Variants in SPAG17 observed in about 807,000 individuals in gnomAD.
The protein encoded by SPAG17 is sperm-associated antigen 17.
A neutral mutation model predicts 273.6 loss-of-function variants in SPAG17; 169 were observed. The ratio of observed to expected loss-of-function variants is 0.62; its 90% CI spans 0.55 to 0.70. The LOEUF is 0.70. Among genes scored for constraint, SPAG17 ranks in the 30% least tolerant of loss-of-function variants. The pLI is 0.00. For missense variants in SPAG17, 2,557 were observed against 2,627.8 expected (o/e 0.97, Z 0.59); for synonymous variants, 825 against 873.2 (o/e 0.94, Z 0.97).
At chr1:118,004,124 G>A (rs1225318675) in intron 32 of SPAG17, among the ~76,000 whole-genome samples, 1 of 152,166 alleles carries the variant, frequency 6.6e-6, no homozygotes, top group African/African-American at 2.4e-5. Flanking sequence ...CACTAGTGGA[G>A]GCTGCAGAAC....
At chr1:118,160,732 A>T (rs562041647) in intron 1 of SPAG17, among the ~76,000 whole-genome samples, 96 of 152,344 alleles carry the variant, frequency 6.3e-4, no homozygotes, top group African/African-American at 2.2e-3. Flanking sequence ...TGGCAGCCCA[A>T]TTACATATCT....
chr1:118,092,562 TATC>T (rs1655445182), intron 8 of SPAG17, among the ~76,000 whole-genome samples: 1 of 152,226 alleles, frequency 6.6e-6, no homozygotes, highest in South Asian at 2.1e-4. Context: ...GTCTTGAGAA[TATC>T]ATTATATCCC....
intron 27 of SPAG17, among the ~76,000 whole-genome samples, chr1:118,024,645 G>A (rs967666007): frequency 6.6e-6 from 1 of 151,662 alleles, no homozygotes; most frequent in African/African-American, 2.4e-5. Flanking sequence ...GGGAAGGAAA[G>A]AGCAGGGCAT....
At chr1:118,117,390 G>A (rs746432497) in intron 3 of SPAG17, among the ~76,000 whole-genome samples, 1 of 152,164 alleles carries the variant, frequency 6.6e-6, no homozygotes, top group Admixed American at 6.5e-5. Flanking sequence ...AGGAGTCTAT[G>A]AATGTTACCT....
Position 118,134,534 on chromosome 1 carries a change from T to A in SPAG17, c.315+16009A>T, listed in dbSNP as rs547195666. Among the ~76,000 whole-genome samples the A allele has an allele frequency of 3.3e-5, 5 of 152,318 alleles. No homozygotes were observed. In the South Asian group the frequency reaches 1.0e-3, roughly 32 times the overall value. On this transcript the variant is annotated intron_variant, in intron 3 of 48. Coordinates refer to ENST00000336338, the MANE Select transcript of SPAG17 (RefSeq NM_206996.4). Reference sequence around the variant, plus strand: ...AATTTAAATGCATCCAGCAATGAACTGCTTTTAACAGTGCCACCCCTCCAA... The same window carrying A: ...AATTTAAATGCATCCAGCAATGAACAGCTTTTAACAGTGCCACCCCTCCAA...
intron 18 of SPAG17, among the ~76,000 whole-genome samples, chr1:118,057,516 A>G (rs1011797853): frequency 1.3e-5 from 2 of 152,232 alleles, no homozygotes; most frequent in African/African-American, 4.8e-5. Flanking sequence ...ACTTACATAT[A>G]CAGCTCAATC....
chr1:118,104,037 T>C (rs1424224985), intron 4 of SPAG17, among the ~76,000 whole-genome samples: 4 of 152,090 alleles, frequency 2.6e-5, no homozygotes, highest in Non-Finnish European at 2.9e-5. Flanking sequence ...CAAGTTTATG[T>C]CTTAACTAAA....
chr1:118,027,048 G>A (rs1435364147), intron 26 of SPAG17, among the ~76,000 whole-genome samples: 3 of 152,166 alleles, frequency 2.0e-5, no homozygotes, highest in Admixed American at 6.5e-5. Context: ...GGTGAAAGGG[G>A]TATTAAGCTG....
At chr1:117,986,715 G>A (rs928368924) in intron 40 of SPAG17, among the ~76,000 whole-genome samples, 1 of 151,938 alleles carries the variant, frequency 6.6e-6, no homozygotes, top group South Asian at 2.1e-4. Context: ...AAGCCTTTAG[G>A]GATATTCTGA....
chr1:118,040,684 G>T lies in SPAG17; in HGVS notation c.3166+46C>A, dbSNP rs535017816. The T allele has an allele frequency of 1.6e-5, 21 of 1,277,334 alleles. No homozygotes were observed. The East Asian group carries it at 4.4e-4, about 27-fold the overall frequency. 79.1% of individuals were successfully genotyped at this position (1,277,334 alleles called of 1,614,324 possible). On this transcript the variant is annotated intron_variant, in intron 22 of 48. Coordinates refer to ENST00000336338, the MANE Select transcript of SPAG17 (RefSeq NM_206996.4). ...TAGAGGGCCCCTGGTTATCTGAAAT[G>T]CATTATTATGTTTCCAATCATTAAC...
intron 1 of SPAG17, among the ~76,000 whole-genome samples, chr1:118,169,280 T>C (rs1276508927): frequency 6.6e-6 from 1 of 152,246 alleles, no homozygotes; most frequent in Non-Finnish European, 1.5e-5. Context: ...TTATGAAAAG[T>C]CCATTTCCCT....
At chr1:118,033,718 A>G (rs1648748364) in intron 24 of SPAG17, among the ~76,000 whole-genome samples, 1 of 152,200 alleles carries the variant, frequency 6.6e-6, no homozygotes. Flanking sequence ...CACTGCAGCC[A>G]CACTGAACTT....
Position 118,099,332 on chromosome 1 carries a change from A to G in SPAG17, c.829+274T>C, listed in dbSNP as rs147519096. 5.1e-3 allele frequency among the ~76,000 whole-genome samples: 779 copies of G among 152,324 alleles called. 11 individuals carry two copies. Among genetic ancestry groups the G allele is most frequent in the East Asian group, 0.022 (116 of 5,192 alleles). ...ATAGATCAAATACTCCAGAAAAGGCAGTTGGATAACCAAGTCTTCTGAACT... is the reference window on the plus strand; with the variant it reads ...ATAGATCAAATACTCCAGAAAAGGCGGTTGGATAACCAAGTCTTCTGAACT... On this transcript the variant is annotated intron_variant, in intron 6 of 48. Transcript: ENST00000336338.
intron 3 of SPAG17, among the ~76,000 whole-genome samples, chr1:118,142,440 C>A (rs1053385047): frequency 6.6e-6 from 1 of 152,010 alleles, no homozygotes; most frequent in Admixed American, 6.6e-5. Flanking sequence ...GAATTATACA[C>A]TTAGACATGG....
intron 24 of SPAG17, among the ~76,000 whole-genome samples, chr1:118,032,310 A>G (rs999662273): frequency 6.6e-6 from 1 of 152,218 alleles, no homozygotes; most frequent in Non-Finnish European, 1.5e-5. Flanking sequence ...CATAAAGACT[A>G]CTAAATATAA....
chr1:118,128,131 A>G (rs1246470514), intron 3 of SPAG17, among the ~76,000 whole-genome samples: 1 of 152,094 alleles, frequency 6.6e-6, no homozygotes, highest in Admixed American at 6.5e-5. Context: ...AAAAAGAAAA[A>G]AAAAAAAAGA....
chr1:118,151,856 TTTTCTC>T (rs1389021408), intron 1 of SPAG17, among the ~76,000 whole-genome samples: 1 of 152,188 alleles, frequency 6.6e-6, no homozygotes, highest in Admixed American at 6.5e-5. Flanking sequence ...AACCACATCT[TTTTCTC>T]TTAATGTAAC....
chr1:118,136,801 A>ATGTGTG lies in SPAG17; in HGVS notation c.315+13736_315+13741dup, dbSNP rs5777337. ...AAAGGGGTAAAGTGTGTGTGTGTGTATGTGTGTGTGTGTGTGTGTGTGTGT... is the reference window on the plus strand; with the variant it reads ...AAAGGGGTAAAGTGTGTGTGTGTGTATGTGTGTGTGTGTGTGTGTGTGTGTGTGTGT... On this transcript the variant is annotated intron_variant, in intron 3 of 48. Coordinates refer to ENST00000336338, the MANE Select transcript of SPAG17 (RefSeq NM_206996.4). Among the ~76,000 whole-genome samples the ATGTGTG allele has an allele frequency of 8.1e-3, 1,193 of 147,246 alleles. 20 individuals are homozygous for ATGTGTG. Among genetic ancestry groups the ATGTGTG allele is most frequent in the African/African-American group, 0.027 (1,077 of 39,894 alleles).
chr1:118,075,595 G>A (rs768982563), intron 15 of SPAG17, among the ~76,000 whole-genome samples: 2 of 152,148 alleles, frequency 1.3e-5, no homozygotes, highest in Non-Finnish European at 2.9e-5. Flanking sequence ...TGTGGGAGGT[G>A]GATTTTGTGG....
Sources: gnomAD v4.1 joint callset for allele counts (sites outside exome capture counted in the v4.1 genomes callset) on GRCh38, gnomAD v4.1.1 for gene constraint, MANE v1.5 for transcripts, NCBI Gene and HGNC (gene_info 2026-07-23, HGNC 2026-07-21) for gene names.